DIAPH3: variants seen among roughly 807,000 people sequenced by gnomAD.
DIAPH3 encodes the protein protein diaphanous homolog 3.
A neutral mutation model predicts 144.3 loss-of-function variants in DIAPH3; 117 were observed. The ratio of observed to expected loss-of-function variants is 0.81; its 90% CI spans 0.70 to 0.95. The LOEUF is 0.95. Ranked by LOEUF, DIAPH3 falls within the 40% of genes least tolerant of loss-of-function variation. The pLI, the probability that DIAPH3 is intolerant of heterozygous loss-of-function variation, is 0.00. For synonymous variants in DIAPH3, 519 were observed against 488.9 expected (o/e 1.06, Z -0.81); for missense variants, 1,421 against 1,412.7 (o/e 1.01, Z -0.09).
intron 27 of DIAPH3, among the ~76,000 whole-genome samples, chr13:59,768,269 A>G (rs574211927): frequency 3.3e-4 from 51 of 152,246 alleles, no homozygotes; most frequent in African/African-American, 1.2e-3. Flanking sequence ...TTCATCAGGA[A>G]AAGAACAAAA....
At chr13:60,097,194 T>C (rs148110974) in intron 3 of DIAPH3, among the ~76,000 whole-genome samples, 3,385 of 152,268 alleles carry the variant, frequency 0.022, 98 homozygotes, top group Admixed American at 0.083. Flanking sequence ...AAACAAATAA[T>C]ACTTGCTCTA....
chr13:59,677,441 T>G (rs2138617175), intron 27 of DIAPH3, among the ~76,000 whole-genome samples: 1 of 152,234 alleles, frequency 6.6e-6, no homozygotes, highest in African/African-American at 2.4e-5. Context: ...GTGAAATTAG[T>G]TTTAATAATA....
chr13:59,918,246 T>C (rs1007238001), intron 18 of DIAPH3, among the ~76,000 whole-genome samples: 1 of 147,638 alleles, frequency 6.8e-6, no homozygotes, highest in African/African-American at 2.5e-5. Context: ...AGAGATACTG[T>C]CCACTTGAAA....
rs190345742 is a variant in DIAPH3 at position 60,156,994 on chromosome 13, G to C, written c.180+6593C>G. Among the ~76,000 whole-genome samples the C allele has an allele frequency of 8.5e-5, 12 of 140,444 alleles. No homozygotes were observed. The East Asian group carries it at 2.4e-3, about 28-fold the overall frequency. 92.1% of individuals were successfully genotyped at this position (140,444 alleles called of 152,430 possible). A position where few individuals can be genotyped will look rare whatever the true frequency, so the allele number is the denominator to read the frequency against. ...GAGTCTCACTCTGTCACCCAGGCTGGAGTGCAGTGGCACAATCTCGTCTCA... is the reference window on the plus strand; with the variant it reads ...GAGTCTCACTCTGTCACCCAGGCTGCAGTGCAGTGGCACAATCTCGTCTCA... On this transcript the variant is annotated intron_variant, in intron 1 of 27. Transcript: ENST00000400324.
intron 24 of DIAPH3, among the ~76,000 whole-genome samples, chr13:59,822,449 T>A (rs1003846413): frequency 6.6e-6 from 1 of 150,560 alleles, no homozygotes; most frequent in African/African-American, 2.4e-5. Flanking sequence ...TATTTATTTA[T>A]TTTTTTTTGT....
At chr13:59,806,605 AT>A (rs1309068833) in intron 25 of DIAPH3, among the ~76,000 whole-genome samples, 2 of 151,896 alleles carry the variant, frequency 1.3e-5, no homozygotes, top group Non-Finnish European at 2.9e-5. Context: ...GTTCCTGTAA[AT>A]TATTATCTGA....
At chr13:60,040,448 C>T (rs1402814639) in intron 5 of DIAPH3, among the ~76,000 whole-genome samples, 2 of 151,946 alleles carry the variant, frequency 1.3e-5, no homozygotes, top group South Asian at 2.1e-4. Flanking sequence ...AAATAAGGTT[C>T]AAATGAACAA....
chr13:59,671,309 T>C (rs1017461553), intron 27 of DIAPH3, among the ~76,000 whole-genome samples: 2 of 152,206 alleles, frequency 1.3e-5, no homozygotes, highest in African/African-American at 4.8e-5. Context: ...AGATGATACC[T>C]AGGACATATG....
intron 4 of DIAPH3, among the ~76,000 whole-genome samples, chr13:60,055,873 G>A (rs2056538829): frequency 6.6e-6 from 1 of 151,670 alleles, no homozygotes; most frequent in African/African-American, 2.4e-5. Context: ...GAAGAAAGGG[G>A]GATGAGAGAC....
intron 4 of DIAPH3, among the ~76,000 whole-genome samples, chr13:60,067,653 C>T (rs191881178): frequency 1.4e-3 from 220 of 152,262 alleles, no homozygotes; most frequent in Non-Finnish European, 2.6e-3. Flanking sequence ...GTAAATATGG[C>T]ATTCTGAAAT....
chr13:59,775,291 G>A (rs1026965870), intron 25 of DIAPH3, among the ~76,000 whole-genome samples: 1 of 152,092 alleles, frequency 6.6e-6, no homozygotes, highest in African/African-American at 2.4e-5. Context: ...CGCCCAGGCT[G>A]GAGTGCAGTG....
chr13:59,738,282 C>T (rs2036265903), intron 27 of DIAPH3, among the ~76,000 whole-genome samples: 1 of 152,066 alleles, frequency 6.6e-6, no homozygotes, highest in South Asian at 2.1e-4. Context: ...AGAGATCCTG[C>T]TCAAGAAGGT....
At chr13:59,749,929 T>C (rs907483888) in intron 27 of DIAPH3, among the ~76,000 whole-genome samples, 5 of 152,182 alleles carry the variant, frequency 3.3e-5, no homozygotes, top group Non-Finnish European at 7.4e-5. Flanking sequence ...GCTATCTCCC[T>C]GGAAAGAGCA....
At chr13:59,964,753 C>T (rs74362160) in intron 17 of DIAPH3, among the ~76,000 whole-genome samples, 4,097 of 152,154 alleles carry the variant, frequency 0.027, 199 homozygotes, top group African/African-American at 0.093. Context: ...TGACCCATTT[C>T]ATAATTTCTT....
chr13:59,676,056 C>T (rs1220226767), intron 27 of DIAPH3, among the ~76,000 whole-genome samples: 1 of 152,156 alleles, frequency 6.6e-6, no homozygotes, highest in African/African-American at 2.4e-5. Flanking sequence ...ATTTATTAGA[C>T]ATTTCGAATG....
intron 4 of DIAPH3, among the ~76,000 whole-genome samples, chr13:60,076,479 C>T (rs1434570289): frequency 2.0e-5 from 3 of 152,094 alleles, no homozygotes; most frequent in African/African-American, 4.8e-5. Context: ...TCCTCAGCCC[C>T]TGGGCTTCTG....
chr13:59,844,874 C>T (rs1470209685), intron 22 of DIAPH3, among the ~76,000 whole-genome samples: 8 of 152,146 alleles, frequency 5.3e-5, no homozygotes, highest in Non-Finnish European at 1.2e-4. Context: ...ACCATAAATC[C>T]CATTTCTTGT....
chr13:59,851,869 C>T (rs746993915), intron 22 of DIAPH3, among the ~76,000 whole-genome samples: 5 of 152,082 alleles, frequency 3.3e-5, no homozygotes, highest in Admixed American at 6.5e-5. Flanking sequence ...CCGCACGCCT[C>T]GGCCTCCCAA....
At chr13:59,951,704 T>G (rs546238202) in intron 17 of DIAPH3, among the ~76,000 whole-genome samples, 1 of 152,134 alleles carries the variant, frequency 6.6e-6, no homozygotes, top group East Asian at 1.9e-4. Context: ...AGCATCACTT[T>G]CAGTAAAATT....
Sources: gnomAD v4.1 joint callset for allele counts (sites outside exome capture counted in the v4.1 genomes callset) on GRCh38, gnomAD v4.1.1 for gene constraint, MANE v1.5 for transcripts, NCBI Gene and HGNC (gene_info 2026-07-23, HGNC 2026-07-21) for gene names.